FBXO3: variants seen among roughly 807,000 people sequenced by gnomAD.
The protein encoded by FBXO3 is F-box only protein 3.
A neutral mutation model predicts 64.8 loss-of-function variants in FBXO3; 17 were observed. The observed-to-expected ratio is 0.26, with a 90% CI of 0.18 to 0.39. FBXO3 has a LOEUF of 0.39. FBXO3 is among the 10% of genes least tolerant of loss of function. The pLI, the probability that FBXO3 is intolerant of heterozygous loss-of-function variation, is 1.00. For missense variants in FBXO3, 420 were observed against 589.9 expected (o/e 0.71, Z 2.98); for synonymous variants, 182 against 201.6 (o/e 0.90, Z 0.82).
chr11:33,766,554 C>T (rs896267498), intron 3 of FBXO3, among the ~76,000 whole-genome samples: 1 of 152,218 alleles, frequency 6.6e-6, no homozygotes, highest in Non-Finnish European at 1.5e-5. Context: ...CTCGTCTAAA[C>T]AGTCTCTAAG....
chr11:33,744,865 A>G (rs1048432909), intron 10 of FBXO3: 11 of 152,328 alleles, frequency 7.2e-5, no homozygotes, highest in African/African-American at 2.4e-4. Flanking sequence ...CATTAATACA[A>G]TCCACATAAG....
At chr11:33,773,104 T>G (rs1256799369) in intron 1 of FBXO3, 1 of 152,174 alleles carries the variant, frequency 6.6e-6, no homozygotes, top group African/African-American at 2.4e-5. Flanking sequence ...CTGGAGGACC[T>G]TAGATATACA....
intron 3 of FBXO3, 133 bp downstream of exon 3, chr11:33,768,718 A>T: frequency 9.5e-7 from 1 of 1,050,816 alleles, no homozygotes; most frequent in Non-Finnish European, 1.5e-6. Context: ...CCATGGCCAA[A>T]TATGAACAGT....
Position 33,748,857 on chromosome 11 carries a change from G to T in FBXO3, c.968C>A (p.Ala323Asp). 6.2e-7 allele frequency: 1 copy of T among 1,613,688 alleles called. No individual in the cohort carries two copies. Among genetic ancestry groups the T allele is most frequent in the Non-Finnish European group, 8.5e-7 (1 of 1,179,752 alleles). ...EMSKDALPEKACQLDSRYWRI... is the reference protein window; with the variant it reads ...EMSKDALPEKDCQLDSRYWRI... ...CCAATAGCGACTGTCCAACTGACAGGCCTTCTCAGGAAGTGCATCTTTTGA... is the reference window on the plus strand; with the variant it reads ...CCAATAGCGACTGTCCAACTGACAGTCCTTCTCAGGAAGTGCATCTTTTGA... Residue 323 changes from alanine to aspartate, a missense_variant, in exon 9 of 11, where the codon GCC becomes GAC. By Grantham distance (126) the Ala-to-Asp change is moderately radical. Transcript: ENST00000265651.
At chr11:33,755,729 G>A in intron 5 of FBXO3, 42 bp downstream of exon 5, 1 of 1,418,840 alleles carries the variant, frequency 7.0e-7, no homozygotes, top group Non-Finnish European at 1.0e-6. Flanking sequence ...ACAACCATCA[G>A]AACACATCTT....
At chr11:33,766,393 T>C (rs923384733) in intron 3 of FBXO3, among the ~76,000 whole-genome samples, 1 of 152,254 alleles carries the variant, frequency 6.6e-6, no homozygotes, top group African/African-American at 2.4e-5. Context: ...TAAAGTTTTA[T>C]TGGAATACAG....
chr11:33,761,682 T>C (rs1044379105), intron 3 of FBXO3, among the ~76,000 whole-genome samples: 3 of 152,236 alleles, frequency 2.0e-5, no homozygotes, highest in African/African-American at 7.2e-5. Context: ...CTGGATCCTC[T>C]GCTCAGGCCC....
chr11:33,747,383 A>C (rs1434544526), intron 9 of FBXO3, 63 bp from the exon 10 acceptor site: 26 of 1,316,000 alleles, frequency 2.0e-5, no homozygotes, highest in Non-Finnish European at 2.8e-5. Flanking sequence ...ACAATAAATA[A>C]GGTATGGTCT....
chr11:33,747,138 C>T lies in FBXO3; in HGVS notation c.1231G>A (p.Ala411Thr). 1.9e-6 allele frequency: 3 copies of T among 1,611,130 alleles called. No homozygotes were observed. The highest frequency in any genetic ancestry group is 2.5e-6 in the Non-Finnish European group (3 of 1,179,350). ...AGGAAAATTTAACTTACCAATCGGG[C>T]TATAGACACCCTGAATGTTGGACAT... The part of the protein sequence containing the change: ...MACPTFRVSI[A>T]RLEMGPDEYE... The change falls in exon 10 of 11, where the codon GCC becomes ACC. Residue 411 changes from alanine to threonine, a missense_variant. This residue lies in a region of FBXO3 where 337 missense variants were observed against 518.4 expected (regional missense o/e 0.65). Transcript: ENST00000265651.
chr11:33,748,113 C>CT (rs527256271), intron 9 of FBXO3, among the ~76,000 whole-genome samples: 91 of 152,240 alleles, frequency 6.0e-4, no homozygotes, highest in African/African-American at 2.1e-3. Flanking sequence ...CCTTATACCA[C>CT]TGGACCAAAT....
intron 8 of FBXO3, among the ~76,000 whole-genome samples, chr11:33,749,540 AT>A (rs1222917937): frequency 2.0e-5 from 3 of 152,054 alleles, no homozygotes; most frequent in Non-Finnish European, 4.4e-5. Flanking sequence ...TTTTTTAAAA[AT>A]TTTTGTAGGA....
rs1854744297 is a variant in FBXO3 at position 33,743,723 on chromosome 11, C to T, written c.1240-1639G>A. On this transcript the variant is annotated intron_variant, in intron 10 of 10. Coordinates refer to ENST00000265651, the MANE Select transcript of FBXO3 (RefSeq NM_012175.4). This position sits in a 1 kb window ranked among gnomAD's most constrained non-coding sequence, Gnocchi z 4.6. ...CTTTGCTTCGACCTCTCGTCTCCCA[C>T]ATATCCACCTAATTCCCTCTGCTCC... 2.0e-5 allele frequency: 3 copies of T among 152,356 alleles called. No individual in the cohort carries two copies. Among genetic ancestry groups the T allele is most frequent in the African/African-American group, 7.2e-5 (3 of 41,462 alleles). The allele number at this position is 152,356 out of a possible 1,614,324, so 9.4% of individuals were successfully genotyped here.
chr11:33,762,485 A>G (rs527847705), intron 3 of FBXO3, among the ~76,000 whole-genome samples: 1 of 152,324 alleles, frequency 6.6e-6, no homozygotes, highest in African/African-American at 2.4e-5. Context: ...AATTATATTT[A>G]AAAGATTACT....
intron 1 of FBXO3, chr11:33,774,012 C>T (rs1392896978): frequency 2.6e-5 from 5 of 192,728 alleles, no homozygotes; most frequent in Non-Finnish European, 5.4e-5. Flanking sequence ...CTGGCCGGGA[C>T]AGGGGCTTTT....
At chr11:33,747,048 A>G (rs1854829994) in intron 10 of FBXO3, 82 bp downstream of exon 10, 3 of 1,563,990 alleles carry the variant, frequency 1.9e-6, no homozygotes, top group Non-Finnish European at 8.6e-7. Context: ...CACTATTTAT[A>G]AACTAACTAT....
At position 33,751,928 on chromosome 11, in the gene FBXO3, G is replaced by C. The variant is rs1029646981; in HGVS notation, c.725-321C>G. Among the ~76,000 whole-genome samples, 3 of 152,212 alleles carry C rather than the reference G, an allele frequency of 2.0e-5. No homozygotes were observed. The East Asian group carries it at 5.8e-4, about 29-fold the overall frequency. On this transcript the variant is annotated intron_variant, in intron 6 of 10. Transcript: ENST00000265651. ...GTGGTACAAGAATGAAAAGCCTTCT[G>C]TCTGTAATTTATTGAACATATAGAA... is the stretch of plus-strand genomic sequence containing the variant.
At chr11:33,757,075 C>T (rs770069503) in intron 4 of FBXO3, 1 of 518,774 alleles carries the variant, frequency 1.9e-6, no homozygotes, top group Admixed American at 1.9e-5. Context: ...ATGTGATCAC[C>T]TTTGGGATTC....
In FBXO3 at chr11:33,741,772, T is replaced by C. The variant is rs1198035047; in HGVS notation, c.*136A>G. On this transcript the variant is annotated 3_prime_UTR_variant, in exon 11 of 11. Transcript: ENST00000265651. ...ATCCAATTCCTAATGTAGTGTCACATAGAACCCAGGGCCTGAAACAATATT... is the reference window on the plus strand; with the variant it reads ...ATCCAATTCCTAATGTAGTGTCACACAGAACCCAGGGCCTGAAACAATATT... 4 of 841,146 alleles carry C rather than the reference T, an allele frequency of 4.8e-6. No individual in the cohort carries two copies. The highest frequency in any genetic ancestry group is 7.7e-4 in the Middle Eastern group (2 of 2,612). The allele number at this position is 841,146 out of a possible 1,614,324, so 52.1% of individuals were successfully genotyped here. A position where few individuals can be genotyped will look rare whatever the true frequency, so the allele number is the denominator to read the frequency against.
chr11:33,748,060 C>T (rs1350303924), intron 9 of FBXO3, among the ~76,000 whole-genome samples: 1 of 152,010 alleles, frequency 6.6e-6, no homozygotes, highest in East Asian at 1.9e-4. Flanking sequence ...AAGATGCATC[C>T]TAAGCATTCA....
Sources: allele counts gnomAD v4.1 joint callset (sites outside exome capture counted in the v4.1 genomes callset), GRCh38; gene constraint gnomAD v4.1.1; regional missense constraint gnomAD v4.1.1; non-coding constraint Gnocchi (gnomAD v3.1); transcripts MANE v1.5; gene names NCBI Gene and HGNC (gene_info 2026-07-23, HGNC 2026-07-21).